FAAH2: variants seen among roughly 807,000 people sequenced by gnomAD.
The protein encoded by FAAH2 is fatty-acid amide hydrolase 2.
Under a neutral mutation model 36.9 loss-of-function variants are expected in FAAH2, and 60 were observed. The observed-to-expected ratio is 1.63, with a 90% CI of 1.32 to 2.02. The LOEUF is 2.02. FAAH2 is among the 30% of genes most tolerant of loss of function. The pLI, the probability that FAAH2 is intolerant of heterozygous loss-of-function variation, is 0.00. For missense variants in FAAH2, 689 were observed against 397.5 expected, an observed-to-expected ratio of 1.73 and a Z score of -6.23; for synonymous variants, 214 against 143.8, an observed-to-expected ratio of 1.49 and a Z score of -3.49.
chrX:57,324,320 C>T (rs748142597), intron 3 of FAAH2, among the ~76,000 whole-genome samples: 178 of 111,786 alleles, frequency 1.6e-3, no homozygotes, highest in African/African-American at 4.7e-3. Context: ...TTTGGCAATG[C>T]GGGCTCTTTT....
intron 5 of FAAH2, among the ~76,000 whole-genome samples, chrX:57,376,162 C>T (rs1460707793): frequency 9.0e-6 from 1 of 111,306 alleles, no homozygotes; most frequent in African/African-American, 3.3e-5. Context: ...AATAGTATCC[C>T]TTTTTCATTC....
chrX:57,152,747 G>A, the FAAH2 span, among the ~76,000 whole-genome samples: 10 of 111,654 alleles, frequency 9.0e-5, no homozygotes, highest in East Asian at 2.8e-3. Context: ...CCCTGCTTTA[G>A]CTCGTGCCCG....
chrX:57,300,329 C>A (rs769614268), intron 2 of FAAH2, among the ~76,000 whole-genome samples: 1 of 111,713 alleles, frequency 9.0e-6, no homozygotes, highest in African/African-American at 3.3e-5. Context: ...TGATCTTTGA[C>A]AAACCTGACA....
intron 5 of FAAH2, among the ~76,000 whole-genome samples, chrX:57,345,170 C>CTCCCT (rs1260011111): frequency 2.0e-5 from 2 of 100,438 alleles, no homozygotes; most frequent in Non-Finnish European, 4.1e-5. Flanking sequence ...ACCAGGTTTT[C>CTCCCT]TCCCTTCCCT....
the FAAH2 span, among the ~76,000 whole-genome samples, chrX:57,151,244 G>A: frequency 1.8e-5 from 2 of 111,249 alleles, no homozygotes; most frequent in African/African-American, 6.5e-5. Context: ...GTGTCTTGGA[G>A]TTTCTCTTCT....
intron 2 of FAAH2, among the ~76,000 whole-genome samples, chrX:57,307,964 A>T (rs1256774479): frequency 9.1e-6 from 1 of 110,130 alleles, no homozygotes; most frequent in Non-Finnish European, 1.9e-5. Flanking sequence ...GTTGCTGCAA[A>T]GGACATGATT....
At chrX:57,397,691 G>A (rs1163925209) in intron 7 of FAAH2, among the ~76,000 whole-genome samples, 1 of 109,420 alleles carries the variant, frequency 9.1e-6, no homozygotes, top group Non-Finnish European at 1.9e-5. Flanking sequence ...CTCTGTAGCT[G>A]CTTTTTTTTT....
the FAAH2 span, among the ~76,000 whole-genome samples, chrX:57,230,336 A>C: frequency 8.9e-6 from 1 of 112,315 alleles, no homozygotes; most frequent in Non-Finnish European, 1.9e-5. Flanking sequence ...GTATCAAAGA[A>C]ACATCAGGAA....
At chrX:57,323,361 G>T (rs1323526879) in intron 3 of FAAH2, among the ~76,000 whole-genome samples, 2 of 111,492 alleles carry the variant, frequency 1.8e-5, no homozygotes, top group African/African-American at 3.3e-5. Context: ...TAATGGGATG[G>T]CTGGGTCAAA....
At chrX:57,243,526 C>T in the FAAH2 span, among the ~76,000 whole-genome samples, 1 of 112,070 alleles carries the variant, frequency 8.9e-6, no homozygotes, top group Non-Finnish European at 1.9e-5. Flanking sequence ...GGGTGCCCCT[C>T]TGGGATGAAG....
intron 2 of FAAH2, among the ~76,000 whole-genome samples, chrX:57,305,666 C>A (rs2052501437): frequency 8.9e-6 from 1 of 111,770 alleles, no homozygotes; most frequent in Non-Finnish European, 1.9e-5. Context: ...CATGTAAGGG[C>A]CCTTTGTAAT....
intron 2 of FAAH2, among the ~76,000 whole-genome samples, chrX:57,304,151 G>T (rs1022330351): frequency 8.9e-6 from 1 of 111,921 alleles, no homozygotes; most frequent in Non-Finnish European, 1.9e-5. Flanking sequence ...AGGTTGCAGT[G>T]AGCTGAGATC....
chrX:57,270,868 G>T, the FAAH2 span, among the ~76,000 whole-genome samples: 8 of 112,022 alleles, frequency 7.1e-5, no homozygotes, highest in African/African-American at 2.6e-4. Flanking sequence ...CCCCACCAAG[G>T]CCCTGGGTTT....
chrX:57,202,407 G>A, the FAAH2 span, among the ~76,000 whole-genome samples: 4 of 111,913 alleles, frequency 3.6e-5, no homozygotes, highest in Admixed American at 2.8e-4. Flanking sequence ...TACCTTGATA[G>A]TCTTGGGAAA....
the FAAH2 span, among the ~76,000 whole-genome samples, chrX:57,241,197 A>G: frequency 2.7e-5 from 3 of 112,360 alleles, no homozygotes; most frequent in Non-Finnish European, 5.6e-5. Flanking sequence ...TGCAAAAATT[A>G]AATCAAGATG....
chrX:57,227,386 C>T, the FAAH2 span, among the ~76,000 whole-genome samples: 1 of 111,313 alleles, frequency 9.0e-6, no homozygotes, highest in Non-Finnish European at 1.9e-5. Flanking sequence ...ATGTGGCTTC[C>T]TGTGAACTGA....
intron 7 of FAAH2, among the ~76,000 whole-genome samples, chrX:57,415,774 C>A (rs1274909472): frequency 9.0e-6 from 1 of 110,789 alleles, no homozygotes; most frequent in Non-Finnish European, 1.9e-5. Flanking sequence ...AAGTCCTGAA[C>A]ATCCCTGTTA....
intron 7 of FAAH2, among the ~76,000 whole-genome samples, chrX:57,392,124 G>A (rs1045548118): frequency 1.8e-5 from 2 of 111,457 alleles, no homozygotes; most frequent in Non-Finnish European, 3.8e-5. Context: ...AATGCTATTG[G>A]TGTATCGAAA....
the FAAH2 span, among the ~76,000 whole-genome samples, chrX:57,159,111 T>G: frequency 3.6e-5 from 4 of 112,368 alleles, no homozygotes; most frequent in African/African-American, 1.3e-4. Context: ...ATTCCCCATT[T>G]CTTGTTTTTG....
Sources: gnomAD v4.1 joint callset for allele counts (sites outside exome capture counted in the v4.1 genomes callset) on GRCh38, gnomAD v4.1.1 for gene constraint, MANE v1.5 for transcripts, NCBI Gene and HGNC (gene_info 2026-07-23, HGNC 2026-07-21) for gene names.